The following ZDHHC11 variants were observed in gnomAD, a reference collection of about 807,000 sequenced individuals.
The protein encoded by ZDHHC11 is zDHHC palmitoyltransferase 11.
A neutral mutation model predicts 51.3 loss-of-function variants in ZDHHC11; 44 were observed. The ratio of observed to expected loss-of-function variants is 0.86; its 90% CI spans 0.67 to 1.10. The LOEUF (loss-of-function observed/expected upper bound fraction) is 1.10. Ranked by LOEUF, ZDHHC11 falls within the 50% of genes least tolerant of loss-of-function variation. ZDHHC11 has a pLI of 0.00. For synonymous variants in ZDHHC11, 163 were observed against 222.0 expected (o/e 0.73, Z 2.36); for missense variants, 400 against 537.7 (o/e 0.74, Z 2.53).
chr5:797,230 A>C (rs1161137161), intron 12 of ZDHHC11, among the ~76,000 whole-genome samples: 7 of 150,744 alleles, frequency 4.6e-5, no homozygotes, highest in African/African-American at 1.7e-4. Context: ...GTGTGTGTAT[A>C]TATATATATA....
At chr5:843,935 G>GTGT (rs1745605219) in intron 3 of ZDHHC11, among the ~76,000 whole-genome samples, 7 of 101,936 alleles carry the variant, frequency 6.9e-5, no homozygotes, top group Admixed American at 6.2e-4. Context: ...CTGAGGCAGG[G>GTGT]GCGGGGGCAT....
intron 11 of ZDHHC11, among the ~76,000 whole-genome samples, chr5:804,058 G>T (rs2150290030): frequency 6.6e-6 from 1 of 151,090 alleles, no homozygotes; most frequent in African/African-American, 2.4e-5. Context: ...AAGTAGAAGA[G>T]AAAAGGAAAG....
At chr5:836,222 T>C (rs1463103962) in intron 6 of ZDHHC11, among the ~76,000 whole-genome samples, 2 of 150,328 alleles carry the variant, frequency 1.3e-5, no homozygotes, top group African/African-American at 4.9e-5. Flanking sequence ...TTAAAAATCA[T>C]GAATGGGAAC....
intron 7 of ZDHHC11, among the ~76,000 whole-genome samples, chr5:829,670 T>A (rs1445297112): frequency 2.0e-5 from 3 of 151,322 alleles, no homozygotes; most frequent in Non-Finnish European, 4.4e-5. Flanking sequence ...ACCCAAACCA[T>A]GAAAGGACAT....
At chr5:798,149 C>CT (rs1561221984) in intron 12 of ZDHHC11, among the ~76,000 whole-genome samples, 2 of 150,478 alleles carry the variant, frequency 1.3e-5, no homozygotes, top group African/African-American at 4.9e-5. Context: ...GGGGCCCTTA[C>CT]TTTAAGAGAT....
chr5:857,914 G>A (rs1021764860), intron 1 of ZDHHC11, among the ~76,000 whole-genome samples: 1 of 146,730 alleles, frequency 6.8e-6, no homozygotes, highest in Non-Finnish European at 1.5e-5. Flanking sequence ...CCCTGAGTCT[G>A]TCCAGGTCCC....
At chr5:821,722 G>A (rs997652945) in intron 9 of ZDHHC11, 139 bp downstream of exon 9, 12 of 820,928 alleles carry the variant, frequency 1.5e-5, no homozygotes, top group South Asian at 3.9e-5. Flanking sequence ...CTGCTCTCTC[G>A]AAAGTGCCAC....
Position 821,872 on chromosome 5 carries a change from T to C in ZDHHC11, c.1047A>G (p.Pro349=). The C allele has an allele frequency of 6.2e-7, 1 of 1,606,482 alleles. No homozygotes were observed. The highest frequency in any genetic ancestry group is 8.5e-7 in the Non-Finnish European group (1 of 1,174,616). Residue 349 remains proline (P), a synonymous_variant, in exon 9 of 13, where the codon CCA becomes CCG. Coordinates refer to ENST00000283441, the MANE Select transcript of ZDHHC11 (RefSeq NM_024786.3). Reference sequence around the variant, plus strand: ...ACTTACAAACTCACCCAAGTGCAGATGGACACGGGTCTTCATCCCCTTCCT... The same window carrying C: ...ACTTACAAACTCACCCAAGTGCAGACGGACACGGGTCTTCATCCCCTTCCT... The part of the protein sequence containing the change: ...TAREGDEDPC[P]SALGAKARNS...
chr5:810,848 A>G (rs1740002369), intron 11 of ZDHHC11, among the ~76,000 whole-genome samples: 1 of 152,196 alleles, frequency 6.6e-6, no homozygotes, highest in Non-Finnish European at 1.5e-5. Flanking sequence ...GAAGGCTTCC[A>G]ACAAAGAGGA....
At chr5:848,071 C>G (rs1229869336) in intron 2 of ZDHHC11, among the ~76,000 whole-genome samples, 2 of 149,450 alleles carry the variant, frequency 1.3e-5, no homozygotes, top group Non-Finnish European at 3.0e-5. Context: ...ACACTGGAAC[C>G]CTTACCTCCC....
At chr5:828,782 G>A (rs1158820121) in intron 7 of ZDHHC11, among the ~76,000 whole-genome samples, 6 of 147,272 alleles carry the variant, frequency 4.1e-5, no homozygotes, top group South Asian at 4.3e-4. Flanking sequence ...ATTTAAGAAA[G>A]TCAGAATTAC....
intron 5 of ZDHHC11, among the ~76,000 whole-genome samples, chr5:838,518 C>T (rs1406730703): frequency 6.6e-6 from 1 of 152,004 alleles, no homozygotes; most frequent in East Asian, 1.9e-4. Context: ...CAGGATGCGT[C>T]TCACCACAGC....
intron 11 of ZDHHC11, among the ~76,000 whole-genome samples, chr5:812,477 A>G (rs7708322): frequency 0.02 from 2,979 of 145,750 alleles, 55 homozygotes; most frequent in African/African-American, 0.069. Flanking sequence ...GAATGACAAT[A>G]TGTTCAGTCT....
Position 801,586 on chromosome 5 carries a change from T to C in ZDHHC11, c.1182-422A>G, listed in dbSNP as rs1053902125. On this transcript the variant is annotated intron_variant, in intron 11 of 12. Transcript: ENST00000283441. ...TATCAGGGAGCCTTAAGTGTTTTTA[T>C]ACCCACATCTTGAGTACAGGTGTTT... 1.3e-4 allele frequency among the ~76,000 whole-genome samples: 20 copies of C among 151,204 alleles called. 1 individual carries two copies. The highest frequency in any genetic ancestry group is 3.2e-4 in the African/African-American group (13 of 41,110).
At chr5:857,078 C>T (rs1466898327) in intron 1 of ZDHHC11, among the ~76,000 whole-genome samples, 1 of 152,134 alleles carries the variant, frequency 6.6e-6, no homozygotes, top group Non-Finnish European at 1.5e-5. Flanking sequence ...ACACAATGCA[C>T]ACACACTCCC....
chr5:841,895 T>C, intron 4 of ZDHHC11: 1 of 989,692 alleles, frequency 1.0e-6, no homozygotes, highest in Non-Finnish European at 1.2e-6. Flanking sequence ...AGACCCTCTC[T>C]GGAACTGGTG....
At chr5:822,330 G>A (rs1198340038) in intron 8 of ZDHHC11, among the ~76,000 whole-genome samples, 2 of 151,366 alleles carry the variant, frequency 1.3e-5, no homozygotes, top group African/African-American at 4.9e-5. Flanking sequence ...AAGGAGAGAG[G>A]CCTTGGGAGA....
intron 12 of ZDHHC11, among the ~76,000 whole-genome samples, chr5:798,961 T>C (rs1244201055): frequency 6.6e-6 from 1 of 152,116 alleles, no homozygotes; most frequent in Non-Finnish European, 1.5e-5. Flanking sequence ...TGTGGTTGGC[T>C]GAGTTTGGGC....
chr5:824,113 G>A (rs71593352), intron 8 of ZDHHC11: 20,790 of 454,352 alleles, frequency 0.046, 1,510 homozygotes, highest in Non-Finnish European at 0.064. Context: ...CAGGGAAGGA[G>A]AACACACCTG....
Sources: gnomAD v4.1 joint callset for allele counts (sites outside exome capture counted in the v4.1 genomes callset) on GRCh38, gnomAD v4.1.1 for gene constraint, MANE v1.5 for transcripts, NCBI Gene and HGNC (gene_info 2026-07-23, HGNC 2026-07-21) for gene names.